GRID2: variants seen among roughly 807,000 people sequenced by gnomAD.
GRID2 encodes glutamate ionotropic receptor delta type subunit 2, also known as glutamate receptor ionotropic, delta-2.
GRID2 carries 33 observed loss-of-function variants against 114.8 expected under a neutral mutation model. The observed-to-expected ratio is 0.29, with a 90% CI of 0.22 to 0.38. The LOEUF (loss-of-function observed/expected upper bound fraction) is 0.38. Among genes scored for constraint, GRID2 ranks in the 10% least tolerant of loss-of-function variants. GRID2 has a pLI of 1.00. For synonymous variants in GRID2, 505 were observed against 449.9 expected, an observed-to-expected ratio of 1.12 and a Z score of -1.55; for missense variants, 1,184 against 1,257.7, an observed-to-expected ratio of 0.94 and a Z score of 0.89.
At position 92,529,324 on chromosome 4, in the gene GRID2, C is replaced by T. The variant is rs184572010; in HGVS notation, c.89-60807C>T. 1.7e-3 allele frequency among the ~76,000 whole-genome samples: 260 copies of T among 152,008 alleles called. 4 individuals are homozygous for T. Among genetic ancestry groups the T allele is most frequent in the Admixed American group, 0.012 (189 of 15,236 alleles). On this transcript the variant is annotated intron_variant, in intron 1 of 15. Coordinates refer to ENST00000282020, the MANE Select transcript of GRID2 (RefSeq NM_001510.4). Reference sequence around the variant, plus strand: ...AACGTGTATACAAATCGTTCAGCCACGTAATAGGTATTATACAATCACAGA... The same window carrying T: ...AACGTGTATACAAATCGTTCAGCCATGTAATAGGTATTATACAATCACAGA...
intron 2 of GRID2, among the ~76,000 whole-genome samples, chr4:93,023,318 T>C (rs1723573140): frequency 6.6e-6 from 1 of 151,880 alleles, no homozygotes. Context: ...AAAAAATCTG[T>C]AGTGAAATAT....
intron 2 of GRID2, among the ~76,000 whole-genome samples, chr4:92,756,724 T>C (rs959816464): frequency 6.6e-6 from 1 of 152,134 alleles, no homozygotes; most frequent in African/African-American, 2.4e-5. Context: ...ATGTTGAACA[T>C]TTTTTCATAT....
intron 2 of GRID2, among the ~76,000 whole-genome samples, chr4:92,833,245 A>G (rs903126164): frequency 1.3e-5 from 2 of 152,194 alleles, no homozygotes; most frequent in Admixed American, 6.5e-5. Context: ...ATCATCTGAC[A>G]TGGACTTTAA....
chr4:92,656,086 C>G (rs930656098), intron 2 of GRID2, among the ~76,000 whole-genome samples: 3 of 151,560 alleles, frequency 2.0e-5, no homozygotes, highest in Non-Finnish European at 3.0e-5. Context: ...AGTAGTAGTT[C>G]TATTTTTATT....
At chr4:93,111,316 C>T (rs952691875) in intron 4 of GRID2, among the ~76,000 whole-genome samples, 4 of 152,106 alleles carry the variant, frequency 2.6e-5, no homozygotes, top group Non-Finnish European at 5.9e-5. Flanking sequence ...TAAAATTTTA[C>T]TTCTGAAAAA....
At chr4:92,883,095 C>G (rs536433054) in intron 2 of GRID2, among the ~76,000 whole-genome samples, 1 of 152,216 alleles carries the variant, frequency 6.6e-6, no homozygotes, top group Admixed American at 6.5e-5. Context: ...TAATTACAGT[C>G]AGTCCTCTCA....
chr4:92,808,496 G>A lies in GRID2; in HGVS notation c.244+218210G>A, dbSNP rs188928342. On this transcript the variant is annotated intron_variant, in intron 2 of 15. Transcript: ENST00000282020. ...TAGATTAGAAATAAACATGTTTAGG[G>A]GATGTAAAATTTAAGCAAAGGAAGT... Among the ~76,000 whole-genome samples, 731 of 152,056 alleles carry A rather than the reference G, an allele frequency of 4.8e-3. 9 individuals carry two copies. Among genetic ancestry groups the A allele is most frequent in the African/African-American group, 0.017 (690 of 41,504 alleles).
chr4:92,311,587 A>G (rs1387416800), intron 1 of GRID2, among the ~76,000 whole-genome samples: 1 of 152,124 alleles, frequency 6.6e-6, no homozygotes, highest in Non-Finnish European at 1.5e-5. Flanking sequence ...AAACTAAAAT[A>G]ATTAAAAGTA....
intron 2 of GRID2, among the ~76,000 whole-genome samples, chr4:93,056,080 T>G (rs77754968): frequency 6.6e-6 from 1 of 151,978 alleles, no homozygotes; most frequent in Non-Finnish European, 1.5e-5. Flanking sequence ...GTGACATCTT[T>G]ATCTCTTAGA....
chr4:92,723,195 T>G (rs531704286), intron 2 of GRID2, among the ~76,000 whole-genome samples: 1 of 152,062 alleles, frequency 6.6e-6, no homozygotes, highest in Non-Finnish European at 1.5e-5. Context: ...TTTAGAAACA[T>G]GGCCTTTGAA....
chr4:93,426,684 C>G (rs1768877446), intron 10 of GRID2, among the ~76,000 whole-genome samples: 1 of 152,006 alleles, frequency 6.6e-6, no homozygotes, highest in Non-Finnish European at 1.5e-5. Context: ...CAATCATACA[C>G]AAGAAATAGA....
At chr4:93,224,873 G>A in intron 7 of GRID2, 98 bp downstream of exon 7, 1 of 836,806 alleles carries the variant, frequency 1.2e-6, no homozygotes, top group South Asian at 1.7e-5. Context: ...CAAATTCTAA[G>A]CACAAAACAG....
Position 92,646,082 on chromosome 4 carries a change from G to C in GRID2, c.244+55796G>C, listed in dbSNP as rs1461701541. Among the ~76,000 whole-genome samples the C allele has an allele frequency of 2.1e-5, 3 of 140,436 alleles. No homozygotes were observed. In the South Asian group the frequency reaches 7.0e-4, roughly 33 times the overall value. The allele number at this position is 140,436 out of a possible 152,430, so 92.1% of individuals were successfully genotyped here. Reference sequence around the variant, plus strand: ...CCGGCTTCGTAGGAGAGTTCTCGTCGTACCACACTCTTGGCATCACTTGTT... The same window carrying C: ...CCGGCTTCGTAGGAGAGTTCTCGTCCTACCACACTCTTGGCATCACTTGTT... On this transcript the variant is annotated intron_variant, in intron 2 of 15. Coordinates refer to ENST00000282020, the MANE Select transcript of GRID2 (RefSeq NM_001510.4).
chr4:93,802,314 G>A (rs559540576), intron 1 of GRID2, among the ~76,000 whole-genome samples: 32 of 152,276 alleles, frequency 2.1e-4, no homozygotes, highest in Middle Eastern at 3.4e-3. Flanking sequence ...TGTGAGGGGA[G>A]CGTCAAAACC....
chr4:92,377,002 ATT>A (rs1235115699), intron 1 of GRID2, among the ~76,000 whole-genome samples: 1 of 151,958 alleles, frequency 6.6e-6, no homozygotes, highest in Non-Finnish European at 1.5e-5. Context: ...CCCTGGAAAT[ATT>A]TTTGCCATTG....
intron 14 of GRID2, among the ~76,000 whole-genome samples, chr4:93,683,914 C>A (rs915486971): frequency 3.3e-5 from 5 of 151,920 alleles, no homozygotes; most frequent in Admixed American, 6.6e-5. Flanking sequence ...ATAAGGACGA[C>A]TTTATTCAGG....
intron 14 of GRID2, among the ~76,000 whole-genome samples, chr4:93,743,289 T>C (rs1447680333): frequency 1.3e-5 from 2 of 152,176 alleles, no homozygotes; most frequent in African/African-American, 4.8e-5. Flanking sequence ...AGAAGCCATC[T>C]CCATAACATA....
chr4:93,259,544 T>A (rs1346686983), intron 8 of GRID2, among the ~76,000 whole-genome samples: 1 of 151,786 alleles, frequency 6.6e-6, no homozygotes, highest in Non-Finnish European at 1.5e-5. Context: ...ATAAAGAGAT[T>A]TTCAAAGCCA....
chr4:93,535,740 G>T (rs936773054), intron 13 of GRID2, among the ~76,000 whole-genome samples: 2 of 151,524 alleles, frequency 1.3e-5, no homozygotes, highest in Non-Finnish European at 3.0e-5. Flanking sequence ...TTTTTATTTG[G>T]GTTAATTGTT....
Sources: allele counts gnomAD v4.1 joint callset (sites outside exome capture counted in the v4.1 genomes callset), GRCh38; gene constraint gnomAD v4.1.1; transcripts MANE v1.5; gene names NCBI Gene and HGNC (gene_info 2026-07-23, HGNC 2026-07-21).